Variants in GMDS observed in about 807,000 individuals in gnomAD.
GMDS encodes the protein GDP-mannose 4,6 dehydratase.
GMDS carries 20 observed loss-of-function variants against 49.9 expected under a neutral mutation model. That is an observed-to-expected ratio of 0.40 (90% CI 0.28 to 0.58). The LOEUF is 0.58. Among genes scored for constraint, GMDS ranks in the 20% least tolerant of loss-of-function variants. The probability of loss-of-function intolerance (pLI) is 0.42; values close to 1 mark genes in which losing one functional copy is unlikely to be tolerated. For synonymous variants in GMDS, 177 were observed against 178.6 expected (o/e 0.99, Z 0.07); for missense variants, 362 against 481.4 (o/e 0.75, Z 2.32).
At chr6:1,913,802 C>G (rs1159888168) in intron 7 of GMDS, among the ~76,000 whole-genome samples, 8 of 152,020 alleles carry the variant, frequency 5.3e-5, no homozygotes, top group Non-Finnish European at 1.0e-4. Flanking sequence ...CTGAGGGAAG[C>G]ACTTTTTTTT....
intron 7 of GMDS, among the ~76,000 whole-genome samples, chr6:1,901,767 T>A (rs989774091): frequency 2.0e-5 from 3 of 152,194 alleles, no homozygotes; most frequent in African/African-American, 7.2e-5. Context: ...ACTGAGCTCA[T>A]CCTATGTGCT....
chr6:1,836,961 G>A lies in GMDS; in HGVS notation c.771+93142C>T, dbSNP rs1466039011. On this transcript the variant is annotated intron_variant, in intron 7 of 10. Transcript: ENST00000380815. The surrounding 1 kb of genome is among the most constrained non-coding windows in gnomAD (Gnocchi z 4.2). The stretch of plus-strand genomic sequence containing the variant: ...TTGTTTTAAGTTTACAATAGAGAAA[G>A]TTTGGGAAAAGGCTAAAAATTCATA... 6.6e-5 allele frequency among the ~76,000 whole-genome samples: 10 copies of A among 152,214 alleles called. No individual in the cohort carries two copies. Among genetic ancestry groups the A allele is most frequent in the Admixed American group, 6.5e-4 (10 of 15,286 alleles).
chr6:2,109,415 A>G (rs973568119), intron 4 of GMDS, among the ~76,000 whole-genome samples: 6 of 152,232 alleles, frequency 3.9e-5, no homozygotes, highest in Admixed American at 6.5e-5. Flanking sequence ...AAAGAGTTAC[A>G]GTCAAGTCCA....
chr6:1,756,502 C>T (rs1222213264), intron 7 of GMDS, among the ~76,000 whole-genome samples: 1 of 152,142 alleles, frequency 6.6e-6, no homozygotes, highest in Non-Finnish European at 1.5e-5. Context: ...GAACTCCTGA[C>T]CTCAGGTGAT....
intron 7 of GMDS, among the ~76,000 whole-genome samples, chr6:1,904,488 G>C (rs1760657226): frequency 6.6e-6 from 1 of 152,194 alleles, no homozygotes; most frequent in African/African-American, 2.4e-5. Flanking sequence ...GACAGAATAA[G>C]TCAAAAGAAG....
At chr6:1,935,384 T>C (rs982912332) in intron 6 of GMDS, among the ~76,000 whole-genome samples, 3 of 152,226 alleles carry the variant, frequency 2.0e-5, no homozygotes, top group Admixed American at 2.0e-4. Context: ...AAAGCTTTGA[T>C]GTTTAAAGGA....
Position 1,821,611 on chromosome 6 carries a change from GTTTTTTTTTTT to G in GMDS, c.772-79036_772-79026del, listed in dbSNP as rs3039703. Reference sequence around the variant, plus strand: ...TAGCGCAGCTGCTAACAATTTATTTGTTTTTTTTTTTTTTTTTTTTTTTTTTTACCAAGATA... The same window carrying G: ...TAGCGCAGCTGCTAACAATTTATTTGTTTTTTTTTTTTTTTTACCAAGATA... On this transcript the variant is annotated intron_variant, in intron 7 of 10. Coordinates refer to ENST00000380815, the MANE Select transcript of GMDS (RefSeq NM_001500.4). Among the ~76,000 whole-genome samples the G allele has an allele frequency of 3.3e-3, 365 of 109,844 alleles. 2 individuals are homozygous for G. Among genetic ancestry groups the G allele is most frequent in the Middle Eastern group, 9.8e-3 (2 of 204 alleles). The allele number at this position is 109,844 out of a possible 152,430, so 72.1% of individuals were successfully genotyped here. A position where few individuals can be genotyped will look rare whatever the true frequency, so the allele number is the denominator to read the frequency against.
At position 1,919,982 on chromosome 6, in the gene GMDS, C is replaced by A. The variant is rs112295068; in HGVS notation, c.771+10121G>T. Among the ~76,000 whole-genome samples the A allele has an allele frequency of 7.9e-3, 1,201 of 152,306 alleles. 11 individuals are homozygous for A. The highest frequency in any genetic ancestry group is 0.025 in the African/African-American group (1,047 of 41,562). ...AATAACAGATACAAATGACCCAACA[C>A]TCACAGAGAGGATTGAACTTTCTTC... On this transcript the variant is annotated intron_variant, in intron 7 of 10. Transcript: ENST00000380815.
intron 9 of GMDS, among the ~76,000 whole-genome samples, chr6:1,722,405 C>T (rs1766419122): frequency 6.6e-6 from 1 of 151,932 alleles, no homozygotes; most frequent in African/African-American, 2.4e-5. Flanking sequence ...ATCATTTCTA[C>T]ATTTGCAATC....
chr6:2,186,443 T>G (rs1262153837), intron 1 of GMDS, among the ~76,000 whole-genome samples: 1 of 152,220 alleles, frequency 6.6e-6, no homozygotes. Context: ...AAGATTTCCA[T>G]TAATACACTT....
intron 9 of GMDS, among the ~76,000 whole-genome samples, chr6:1,715,356 A>C (rs199587986): frequency 6.6e-6 from 1 of 152,248 alleles, no homozygotes; most frequent in Non-Finnish European, 1.5e-5. Flanking sequence ...TTTTGGTTCT[A>C]TCAGAGCTGG....
intron 1 of GMDS, among the ~76,000 whole-genome samples, chr6:2,228,142 G>A (rs1415847425): frequency 6.6e-6 from 1 of 152,206 alleles, no homozygotes; most frequent in Non-Finnish European, 1.5e-5. Context: ...ATCTGAGTGT[G>A]CTTGGTTCCT....
At chr6:1,779,834 G>A (rs556873279) in intron 7 of GMDS, among the ~76,000 whole-genome samples, 6 of 152,348 alleles carry the variant, frequency 3.9e-5, no homozygotes, top group East Asian at 3.9e-4. Context: ...TGCACAGAGC[G>A]GAGTGGAAGT....
chr6:1,778,543 T>C lies in GMDS; in HGVS notation c.772-35957A>G. Among the ~76,000 whole-genome samples, 1 of 152,166 alleles carries C rather than the reference T, an allele frequency of 6.6e-6. No individual in the cohort carries two copies. Among genetic ancestry groups the C allele is most frequent in the Non-Finnish European group, 1.5e-5 (1 of 68,032 alleles). The stretch of plus-strand genomic sequence containing the variant: ...GAGTGTTCCAAGATCTAAAATAGGT[T>C]AGTTTGTAAAACATGCCATAAAACA... On this transcript the variant is annotated intron_variant, in intron 7 of 10. Coordinates refer to ENST00000380815, the MANE Select transcript of GMDS (RefSeq NM_001500.4). This position sits in a 1 kb window ranked among gnomAD's most constrained non-coding sequence, Gnocchi z 4.6.
intron 9 of GMDS, chr6:1,626,111 G>A (rs1762843449): frequency 6.6e-6 from 1 of 152,256 alleles, no homozygotes; most frequent in African/African-American, 2.4e-5. Context: ...TGGGTTTGGA[G>A]CTCACCTTCT....
At chr6:1,783,313 T>C (rs184907834) in intron 7 of GMDS, among the ~76,000 whole-genome samples, 196 of 152,356 alleles carry the variant, frequency 1.3e-3, no homozygotes, top group Non-Finnish European at 1.8e-3. Flanking sequence ...TTGGGAGATC[T>C]TGCTCCTGAG....
intron 6 of GMDS, among the ~76,000 whole-genome samples, chr6:1,946,951 C>A (rs147967675): frequency 1.3e-5 from 2 of 152,310 alleles, no homozygotes; most frequent in East Asian, 1.9e-4. Flanking sequence ...AACCATCAAT[C>A]TTAATTAATA....
At chr6:1,861,996 CT>C (rs746653515) in intron 7 of GMDS, among the ~76,000 whole-genome samples, 1 of 152,180 alleles carries the variant, frequency 6.6e-6, no homozygotes, top group Non-Finnish European at 1.5e-5. Context: ...ATTACCCAAA[CT>C]TTTAAATAAT....
At chr6:1,642,487 T>C (rs1311065665) in intron 9 of GMDS, among the ~76,000 whole-genome samples, 1 of 152,126 alleles carries the variant, frequency 6.6e-6, no homozygotes, top group Non-Finnish European at 1.5e-5. Context: ...TCTTTAAACC[T>C]ACCCCAAAGG....
Sources: allele counts gnomAD v4.1 joint callset (sites outside exome capture counted in the v4.1 genomes callset), GRCh38; gene constraint gnomAD v4.1.1; non-coding constraint Gnocchi (gnomAD v3.1); transcripts MANE v1.5; gene names NCBI Gene and HGNC (gene_info 2026-07-23, HGNC 2026-07-21).